VPS13A: variants seen among roughly 807,000 people sequenced by gnomAD.
VPS13A encodes the protein intermembrane lipid transfer protein VPS13A.
A neutral mutation model predicts 390.9 loss-of-function variants in VPS13A; 264 were observed. The observed-to-expected ratio is 0.68, with a 90% CI of 0.61 to 0.75. VPS13A has a LOEUF of 0.75. VPS13A is among the 30% of genes least tolerant of loss of function. The probability of loss-of-function intolerance (pLI) is 0.00; values close to 1 mark genes in which losing one functional copy is unlikely to be tolerated. For synonymous variants in VPS13A, 1,231 were observed against 1,227.1 expected, an observed-to-expected ratio of 1.00 and a Z score of -0.07; for missense variants, 3,409 against 3,733.9, an observed-to-expected ratio of 0.91 and a Z score of 2.27.
chr9:77,290,517 G>A (rs534387401), intron 31 of VPS13A, among the ~76,000 whole-genome samples: 76 of 150,926 alleles, frequency 5.0e-4, no homozygotes, highest in African/African-American at 1.8e-3. Context: ...TGGCTCCCCT[G>A]TTTTCTCCTC....
intron 59 of VPS13A, among the ~76,000 whole-genome samples, chr9:77,362,415 G>A: frequency 6.6e-6 from 1 of 152,134 alleles, no homozygotes; most frequent in East Asian, 1.9e-4. Context: ...TCTTTGAATG[G>A]TCTTGACACC....
chr9:77,262,363 T>G (rs1825806326), intron 23 of VPS13A, among the ~76,000 whole-genome samples: 1 of 152,224 alleles, frequency 6.6e-6, no homozygotes, highest in Non-Finnish European at 1.5e-5. Context: ...GGGGGTTCTT[T>G]ACTCATGTTT....
intron 33 of VPS13A, among the ~76,000 whole-genome samples, chr9:77,302,368 C>T (rs113936967): frequency 0.18 from 21,632 of 118,532 alleles, 2,400 homozygotes; most frequent in Middle Eastern, 0.24. Flanking sequence ...TATTTTTCCC[C>T]TTTTTTTTTT....
At chr9:77,340,074 T>A in intron 48 of VPS13A, 104 bp from the exon 49 acceptor site, 1 of 1,330,426 alleles carries the variant, frequency 7.5e-7, no homozygotes, top group Non-Finnish European at 1.1e-6. Flanking sequence ...TTTAGTGCAT[T>A]AACAATATAA....
At chr9:77,363,694 C>T (rs536431192) in intron 59 of VPS13A, among the ~76,000 whole-genome samples, 4 of 152,216 alleles carry the variant, frequency 2.6e-5, no homozygotes, top group African/African-American at 7.2e-5. Flanking sequence ...ACTATTAGGT[C>T]TACAGGTTAG....
At chr9:77,208,518 A>C (rs1301380588) in intron 5 of VPS13A, among the ~76,000 whole-genome samples, 1 of 152,142 alleles carries the variant, frequency 6.6e-6, no homozygotes, top group Non-Finnish European at 1.5e-5. Flanking sequence ...CAAAAAAATT[A>C]GGAACCTCAA....
At chr9:77,391,391 T>C (rs1021555484) in intron 68 of VPS13A, among the ~76,000 whole-genome samples, 4 of 152,346 alleles carry the variant, frequency 2.6e-5, no homozygotes, top group Admixed American at 1.3e-4. Flanking sequence ...ATGAAAGTTA[T>C]CATGCAAAAT....
intron 70 of VPS13A, among the ~76,000 whole-genome samples, chr9:77,406,188 C>G (rs1834598313): frequency 6.6e-6 from 1 of 151,710 alleles, no homozygotes; most frequent in Non-Finnish European, 1.5e-5. Flanking sequence ...GCTTTCTGTG[C>G]TATTGCACTG....
chr9:77,384,621 A>G (rs1201716799), intron 68 of VPS13A: 2 of 1,610,222 alleles, frequency 1.2e-6, no homozygotes, highest in Non-Finnish European at 1.7e-6. Context: ...TATGACTCAC[A>G]GTAGCAGTAG....
intron 54 of VPS13A, among the ~76,000 whole-genome samples, chr9:77,355,131 C>A (rs1192202231): frequency 6.6e-6 from 1 of 152,178 alleles, no homozygotes; most frequent in Admixed American, 6.5e-5. Flanking sequence ...CTCAAATGTA[C>A]TGTCTGTTTC....
At chr9:77,195,983 A>C (rs1285047619) in intron 1 of VPS13A, among the ~76,000 whole-genome samples, 1 of 152,014 alleles carries the variant, frequency 6.6e-6, no homozygotes, top group Non-Finnish European at 1.5e-5. Context: ...TATCATACTA[A>C]TTATGATGGT....
chr9:77,416,252 C>A lies in VPS13A; in HGVS notation c.*246C>A. On this transcript the variant is annotated 3_prime_UTR_variant, in exon 72 of 72. Coordinates refer to ENST00000360280, the MANE Select transcript of VPS13A (RefSeq NM_033305.3). ...CGGTTTTCTAAATTGAATCATGCAT[C>A]TATTTATAATTCTAATTATTTTGTA... is the stretch of plus-strand genomic sequence containing the variant. The A allele has an allele frequency of 4.7e-6, 2 of 427,298 alleles. No homozygotes were observed. The highest frequency in any genetic ancestry group is 8.6e-6 in the Non-Finnish European group (2 of 232,314). 26.5% of individuals were successfully genotyped at this position (427,298 alleles called of 1,614,324 possible). A position where few individuals can be genotyped will look rare whatever the true frequency, so the allele number is the denominator to read the frequency against.
chr9:77,273,730 A>G (rs1215184502), intron 24 of VPS13A, among the ~76,000 whole-genome samples: 1 of 152,312 alleles, frequency 6.6e-6, no homozygotes, highest in South Asian at 2.1e-4. Flanking sequence ...AGTATGGTAC[A>G]CAAGGGTAAA....
chr9:77,206,277 T>G (rs1825633190), intron 5 of VPS13A, among the ~76,000 whole-genome samples, 198 bp downstream of exon 5: 1 of 151,108 alleles, frequency 6.6e-6, no homozygotes, highest in Non-Finnish European at 1.5e-5. Context: ...GAAATTTATC[T>G]TAAGGCAAAT....
Position 77,340,463 on chromosome 9 carries a change from T to TTATATGATTAAA in VPS13A, c.6940_6941insATATGATTAAAT (p.Pro2313_Phe2314insTyrMetIleLys). On this transcript the variant is annotated inframe_insertion, in exon 50 of 72. Coordinates refer to ENST00000360280, the MANE Select transcript of VPS13A (RefSeq NM_033305.3). Reference sequence around the variant, plus strand: ...TTACTAGAATTGTGACATTTACCCCTTTTTATATGATTAAAAACAAAAGCA... The same window carrying TTATATGATTAAA: ...TTACTAGAATTGTGACATTTACCCCTTATATGATTAAATTTTATATGATTAAAAACAAAAGCA... 6.2e-7 allele frequency: 1 copy of TTATATGATTAAA among 1,613,476 alleles called. No homozygotes were observed. The highest frequency in any genetic ancestry group is 8.5e-7 in the Non-Finnish European group (1 of 1,179,628).
At chr9:77,364,902 AT>A (rs1832352419) in intron 59 of VPS13A, among the ~76,000 whole-genome samples, 1 of 152,124 alleles carries the variant, frequency 6.6e-6, no homozygotes, top group African/African-American at 2.4e-5. Context: ...ATCATTTCTT[AT>A]GTTTTTATGA....
At chr9:77,190,158 C>G (rs1205943796) in intron 1 of VPS13A, among the ~76,000 whole-genome samples, 4 of 152,014 alleles carry the variant, frequency 2.6e-5, no homozygotes, top group Non-Finnish European at 5.9e-5. Flanking sequence ...AAGTGGGTAT[C>G]CTTGTGTTGT....
intron 68 of VPS13A, among the ~76,000 whole-genome samples, chr9:77,392,469 G>C (rs898366740): frequency 3.3e-5 from 5 of 151,890 alleles, no homozygotes; most frequent in Non-Finnish European, 7.4e-5. Flanking sequence ...CTTATCTGAC[G>C]TCAGTTTCCA....
intron 19 of VPS13A, among the ~76,000 whole-genome samples, chr9:77,243,495 A>G (rs756481617): frequency 1.7e-4 from 26 of 152,118 alleles, no homozygotes; most frequent in Admixed American, 2.0e-4. Context: ...TTTGTTGTCA[A>G]CTATGGCATG....
Sources: gnomAD v4.1 joint callset for allele counts (sites outside exome capture counted in the v4.1 genomes callset) on GRCh38, gnomAD v4.1.1 for gene constraint, MANE v1.5 for transcripts, NCBI Gene and HGNC (gene_info 2026-07-23, HGNC 2026-07-21) for gene names.